EHBP1: variants seen among roughly 807,000 people sequenced by gnomAD.
EHBP1 encodes EH domain binding protein 1.
EHBP1 carries 55 observed loss-of-function variants against 144.0 expected under a neutral mutation model. That is an observed-to-expected ratio of 0.38 (90% CI 0.31 to 0.48). The LOEUF is 0.48. EHBP1 is among the 20% of genes least tolerant of loss of function. EHBP1 has a pLI of 0.98. For synonymous variants in EHBP1, 469 were observed against 472.7 expected (o/e 0.99, Z 0.10); for missense variants, 1,200 against 1,364.2 (o/e 0.88, Z 1.90).
At chr2:62,775,451 T>G (rs1249923266) in intron 5 of EHBP1, among the ~76,000 whole-genome samples, 2 of 152,222 alleles carry the variant, frequency 1.3e-5, no homozygotes, top group African/African-American at 4.8e-5. Context: ...TGGTATATTG[T>G]CCTGACACTG....
chr2:63,009,752 T>C (rs1369330886), intron 19 of EHBP1, among the ~76,000 whole-genome samples: 1 of 151,526 alleles, frequency 6.6e-6, no homozygotes, highest in Non-Finnish European at 1.5e-5. Flanking sequence ...TAGTCCCTCC[T>C]TATCCTCAGG....
chr2:62,826,714 G>A (rs2046370078), intron 6 of EHBP1: 1 of 152,442 alleles, frequency 6.6e-6, no homozygotes, highest in South Asian at 2.1e-4. Context: ...CAAAAATCAT[G>A]TAGGAAGGTA....
intron 10 of EHBP1, among the ~76,000 whole-genome samples, chr2:62,920,151 A>G (rs2054956935): frequency 6.6e-6 from 1 of 152,196 alleles, no homozygotes; most frequent in Admixed American, 6.5e-5. Context: ...AAGTAGGATG[A>G]ACTCAAAAAG....
intron 7 of EHBP1, among the ~76,000 whole-genome samples, chr2:62,842,476 C>A (rs1170483486): frequency 6.6e-6 from 1 of 152,128 alleles, no homozygotes; most frequent in Middle Eastern, 3.2e-3. Flanking sequence ...CTCCTAATAC[C>A]CTCACCTTAG....
intron 15 of EHBP1, among the ~76,000 whole-genome samples, chr2:62,986,062 G>A (rs1348849127): frequency 3.3e-5 from 5 of 152,126 alleles, no homozygotes; most frequent in Non-Finnish European, 7.4e-5. Flanking sequence ...GTAATCATCA[G>A]TGGAGGCTTA....
chr2:63,019,676 C>A (rs1216217980), intron 19 of EHBP1, among the ~76,000 whole-genome samples: 1 of 149,142 alleles, frequency 6.7e-6, no homozygotes, highest in African/African-American at 2.5e-5. Context: ...CATTGCACTC[C>A]AGCCTGGGCA....
intron 7 of EHBP1, among the ~76,000 whole-genome samples, chr2:62,840,531 C>G (rs1332143353): frequency 6.6e-6 from 1 of 150,648 alleles, no homozygotes; most frequent in Non-Finnish European, 1.5e-5. Context: ...GCAAAAGAAA[C>G]TACCATCAGA....
intron 10 of EHBP1, among the ~76,000 whole-genome samples, chr2:62,892,251 T>C (rs2052523701): frequency 6.6e-6 from 1 of 152,192 alleles, no homozygotes; most frequent in Non-Finnish European, 1.5e-5. Context: ...TGTTTTTCTG[T>C]GTAACTCTTC....
At chr2:62,802,212 G>A (rs998140499) in intron 5 of EHBP1, among the ~76,000 whole-genome samples, 2 of 152,208 alleles carry the variant, frequency 1.3e-5, no homozygotes, top group South Asian at 2.1e-4. Flanking sequence ...TGAATGTAGT[G>A]GTGGGTAGAG....
intron 2 of EHBP1, among the ~76,000 whole-genome samples, chr2:62,715,413 C>T (rs534308634): frequency 1.3e-4 from 20 of 151,398 alleles, no homozygotes; most frequent in South Asian, 1.0e-3. Context: ...CGTGCCCAGC[C>T]GAGTCACCGT....
At chr2:62,698,699 T>C (rs1337636874) in intron 1 of EHBP1, among the ~76,000 whole-genome samples, 1 of 152,236 alleles carries the variant, frequency 6.6e-6, no homozygotes, top group Non-Finnish European at 1.5e-5. Context: ...CTGATCACTG[T>C]AAGCCCAGTC....
intron 5 of EHBP1, among the ~76,000 whole-genome samples, chr2:62,812,454 G>C (rs578051468): frequency 2.0e-4 from 31 of 152,210 alleles, no homozygotes; most frequent in Non-Finnish European, 4.0e-4. Context: ...AGAGCATTGA[G>C]AGTAGTTTTG....
At chr2:62,759,965 G>C (rs1005149511) in intron 3 of EHBP1, among the ~76,000 whole-genome samples, 2 of 151,978 alleles carry the variant, frequency 1.3e-5, no homozygotes, top group Non-Finnish European at 2.9e-5. Context: ...CTGATCCTCT[G>C]CTTTCTACTA....
intron 6 of EHBP1, among the ~76,000 whole-genome samples, chr2:62,829,988 G>T (rs1280320718): frequency 6.6e-6 from 1 of 150,844 alleles, no homozygotes; most frequent in African/African-American, 2.4e-5. Flanking sequence ...TCCCACTGCA[G>T]GGTATCTACC....
At chr2:62,784,607 A>G (rs1307639794) in intron 5 of EHBP1, among the ~76,000 whole-genome samples, 5 of 152,224 alleles carry the variant, frequency 3.3e-5, no homozygotes, top group Admixed American at 3.3e-4. Flanking sequence ...TGAACTTGAA[A>G]GACTTTTAAA....
At chr2:62,796,436 T>C (rs548084541) in intron 5 of EHBP1, among the ~76,000 whole-genome samples, 2 of 152,300 alleles carry the variant, frequency 1.3e-5, no homozygotes, top group African/African-American at 4.8e-5. Flanking sequence ...GGTCACCTTT[T>C]AATACACAAT....
chr2:62,890,731 A>T (rs535662884), intron 10 of EHBP1, among the ~76,000 whole-genome samples: 1 of 152,346 alleles, frequency 6.6e-6, no homozygotes, highest in East Asian at 1.9e-4. Context: ...TTGAAGTCCT[A>T]GTCAGGGCAG....
chr2:63,011,085 A>G (rs899693486), intron 19 of EHBP1, among the ~76,000 whole-genome samples: 2 of 150,770 alleles, frequency 1.3e-5, no homozygotes, highest in African/African-American at 4.9e-5. Context: ...TGAACTAAAC[A>G]GAGGGATTAC....
At chr2:62,701,331 G>A (rs903010943), upstream of EHBP1, among the ~76,000 whole-genome samples, 2 of 151,984 alleles carry the variant, frequency 1.3e-5, no homozygotes, top group African/African-American at 4.8e-5. Context: ...TATTATTAAT[G>A]TATTAATCTT....
Sources: gnomAD v4.1 joint callset for allele counts (sites outside exome capture counted in the v4.1 genomes callset) on GRCh38, gnomAD v4.1.1 for gene constraint, MANE v1.5 for transcripts, NCBI Gene and HGNC (gene_info 2026-07-23, HGNC 2026-07-21) for gene names.